The following DMTN variants were observed in gnomAD, a reference collection of about 807,000 sequenced individuals.
The protein encoded by DMTN is dematin.
In DMTN, 27 loss-of-function variants were observed where a neutral mutation model predicts 59.4. The observed-to-expected ratio is 0.45, with a 90% CI of 0.33 to 0.63. The LOEUF is 0.63. Among genes scored for constraint, DMTN ranks in the 20% least tolerant of loss-of-function variants. The pLI is 0.02. For missense variants in DMTN, 451 were observed against 528.9 expected, an observed-to-expected ratio of 0.85 and a Z score of 1.45; for synonymous variants, 221 against 203.7, an observed-to-expected ratio of 1.08 and a Z score of -0.72.
rs377453495 is a variant in DMTN at position 22,068,945 on chromosome 8, C to A, written c.250-71C>A. ...CGGCTTTGGGTGGGGGATGAGGTGG[C>A]CTCTCTGGAATTCTAGGGAAGAGGC... is the stretch of plus-strand genomic sequence containing the variant. On this transcript the variant is annotated intron_variant, in intron 4 of 15. Coordinates refer to ENST00000358242, the MANE Select transcript of DMTN (RefSeq NM_001387751.1). 166 of 1,544,986 alleles carry A rather than the reference C, an allele frequency of 1.1e-4. No homozygotes were observed. The African/African-American group carries it at 2.0e-3, about 19-fold the overall frequency.
At position 22,069,749 on chromosome 8, in the gene DMTN, C is replaced by T. The variant is rs1223958356; in HGVS notation, c.395-132C>T. 9.9e-6 allele frequency: 11 copies of T among 1,115,344 alleles called. No individual in the cohort carries two copies. The East Asian group carries it at 2.4e-4, about 24-fold the overall frequency. 69.1% of individuals were successfully genotyped at this position (1,115,344 alleles called of 1,614,324 possible). A position where few individuals can be genotyped will look rare whatever the true frequency, so the allele number is the denominator to read the frequency against. On this transcript the variant is annotated intron_variant, in intron 6 of 15. Transcript: ENST00000358242. ...CCCCTGAGGGGCAGTGCCAGGAATG[C>T]CAGCCCTGTCTTGGCTCTTGACAGG... is the stretch of plus-strand genomic sequence containing the variant.
chr8:22,065,222 C>CG (rs1367073569), intron 1 of DMTN, among the ~76,000 whole-genome samples: 1 of 152,124 alleles, frequency 6.6e-6, no homozygotes, highest in African/African-American at 2.4e-5. Context: ...TTGCTAGAGA[C>CG]GAGGTCTCCC....
At chr8:22,053,175 G>A (rs533990486), upstream of DMTN, among the ~76,000 whole-genome samples, 3 of 152,230 alleles carry the variant, frequency 2.0e-5, no homozygotes, top group African/African-American at 7.2e-5. Context: ...GCTGAAATTT[G>A]TGTAGAGAAG....
chr8:22,072,226 C>T, intron 8 of DMTN, 100 bp from the exon 9 acceptor site: 1 of 1,390,900 alleles, frequency 7.2e-7, no homozygotes, highest in Non-Finnish European at 9.4e-7. Flanking sequence ...GTGGCCTTAT[C>T]AAGGTCCAGC....
At position 22,067,592 on chromosome 8, in the gene DMTN, C is replaced by T. The variant is rs140385917; in HGVS notation, c.159C>T (p.Ile53=). The T allele has an allele frequency of 2.7e-4, 440 of 1,614,234 alleles. 1 individual carries two copies. In the East Asian group the frequency reaches 9.0e-3, roughly 33 times the overall value. ...CTGCCATCCCCAAGGACAAGGCCAT[C>T]CTGGACATCGAGCGGCCCGACCTCA... ...DLAAIPKDKA[I]LDIERPDLMI... Residue 53 remains isoleucine (I), a synonymous_variant, in exon 4 of 16, where the codon ATC becomes ATT. Coordinates refer to ENST00000358242, the MANE Select transcript of DMTN (RefSeq NM_001387751.1).
At chr8:22,074,185 T>G (rs1209798275) in intron 10 of DMTN, among the ~76,000 whole-genome samples, 1 of 152,158 alleles carries the variant, frequency 6.6e-6, no homozygotes. Flanking sequence ...GTGGCCGGTA[T>G]TGTGATCAAG....
chr8:22,050,523 G>T (rs1419293668), upstream of DMTN, among the ~76,000 whole-genome samples: 1 of 149,864 alleles, frequency 6.7e-6, no homozygotes, highest in Admixed American at 6.6e-5. Flanking sequence ...GCCTTTCTCC[G>T]GCCCCTCCCT....
At chr8:22,067,034 G>A (rs1459312690) in intron 2 of DMTN, 51 bp from the exon 3 acceptor site, 3 of 1,125,736 alleles carry the variant, frequency 2.7e-6, no homozygotes, top group African/African-American at 1.7e-5. Flanking sequence ...CCCCCGCCCC[G>A]CTCCCGCACA....
intron 1 of DMTN, among the ~76,000 whole-genome samples, chr8:22,064,856 G>A (rs1014706494): frequency 1.3e-5 from 2 of 152,156 alleles, no homozygotes; most frequent in African/African-American, 2.4e-5. Context: ...CTGATACTGA[G>A]TACTAGGTAG....
At chr8:22,067,270 G>T in intron 3 of DMTN, 111 bp downstream of exon 3, 2 of 1,244,594 alleles carry the variant, frequency 1.6e-6, no homozygotes, top group Non-Finnish European at 2.2e-6. Flanking sequence ...TGGTCCCTCC[G>T]GTGCTGGCGG....
At chr8:22,078,731 G>A (rs2131476877) in intron 10 of DMTN, among the ~76,000 whole-genome samples, 1 of 151,600 alleles carries the variant, frequency 6.6e-6, no homozygotes, top group South Asian at 2.1e-4. Flanking sequence ...TGAAGTTGTT[G>A]ACTGCTGGTA....
At chr8:22,078,630 CA>C (rs1821515128) in intron 10 of DMTN, among the ~76,000 whole-genome samples, 1 of 151,534 alleles carries the variant, frequency 6.6e-6, no homozygotes, top group East Asian at 1.9e-4. Context: ...TTACTGGAAA[CA>C]AATTTTCCTG....
chr8:22,064,381 C>T (rs1351590179), intron 1 of DMTN, among the ~76,000 whole-genome samples: 1 of 152,166 alleles, frequency 6.6e-6, no homozygotes, highest in African/African-American at 2.4e-5. Context: ...AAAGCAAGTA[C>T]TGAGAAGGCG....
chr8:22,073,750 G>A lies in DMTN; in HGVS notation c.750G>A (p.Lys250=). 1 of 1,613,508 alleles carries A rather than the reference G, an allele frequency of 6.2e-7. No individual in the cohort carries two copies. Among genetic ancestry groups the A allele is most frequent in the Non-Finnish European group, 8.5e-7 (1 of 1,179,734 alleles). The part of the protein sequence containing the change: ...ELSKVTSNLG[K]MILKEEMEKS... ...CTCAGGTTACTTCCAACTTGGGAAA[G>A]ATGATCTTGAAAGAAGAGATGGAAA... Residue 250 remains lysine (K), a synonymous_variant, in exon 10 of 16, where the codon AAG becomes AAA. Coordinates refer to ENST00000358242, the MANE Select transcript of DMTN (RefSeq NM_001387751.1).
chr8:22,073,881 G>C (rs748033955), intron 10 of DMTN, 46 bp downstream of exon 10: 1 of 1,504,170 alleles, frequency 6.6e-7, no homozygotes, highest in Non-Finnish European at 9.3e-7. Flanking sequence ...CAGAGATGGA[G>C]GCCTGACTCT....
At chr8:22,069,334 C>G (rs1296465831) in intron 5 of DMTN, 85 bp from the exon 6 acceptor site, 1 of 1,204,468 alleles carries the variant, frequency 8.3e-7, no homozygotes, top group African/African-American at 1.5e-5. Context: ...GATGGGAGGA[C>G]AGAGAGGGTG....
At chr8:22,061,462 T>G (rs1261597098) in intron 1 of DMTN, among the ~76,000 whole-genome samples, 1 of 152,112 alleles carries the variant, frequency 6.6e-6, no homozygotes, top group Non-Finnish European at 1.5e-5. Context: ...CACGTGTGAG[T>G]ATGGGGATAT....
At position 22,069,080 on chromosome 8, in the gene DMTN, G is replaced by A; in HGVS notation, c.294+20G>A. 2 of 1,607,986 alleles carry A rather than the reference G, an allele frequency of 1.2e-6. No individual in the cohort carries two copies. The highest frequency in any genetic ancestry group is 8.5e-7 in the Non-Finnish European group (1 of 1,176,908). ...CCAGAGGTGAGTCTGCCCCACACCT[G>A]CAACTTGCCCTGCCCTGCCCTGAAG... On this transcript the variant is annotated intron_variant, in intron 5 of 15. Transcript: ENST00000358242.
intron 4 of DMTN, among the ~76,000 whole-genome samples, chr8:22,068,240 C>T (rs1005809828): frequency 6.6e-6 from 1 of 152,176 alleles, no homozygotes; most frequent in Non-Finnish European, 1.5e-5. Flanking sequence ...CTTGTCTCTT[C>T]TATTTGTTTT....
Sources: gnomAD v4.1 joint callset for allele counts (sites outside exome capture counted in the v4.1 genomes callset) on GRCh38, gnomAD v4.1.1 for gene constraint, MANE v1.5 for transcripts, NCBI Gene and HGNC (gene_info 2026-07-23, HGNC 2026-07-21) for gene names.